The following ZFHX3 variants were observed in gnomAD, a reference collection of about 807,000 sequenced individuals.
ZFHX3 encodes zinc finger homeobox protein 3.
A neutral mutation model predicts 279.1 loss-of-function variants in ZFHX3; 42 were observed. The ratio of observed to expected loss-of-function variants is 0.15; its 90% CI spans 0.12 to 0.19. The LOEUF is 0.19. ZFHX3 is among the 10% of genes least tolerant of loss of function. ZFHX3 has a pLI of 1.00. For missense variants in ZFHX3, 4,981 were observed against 4,754.0 expected, an observed-to-expected ratio of 1.05 and a Z score of -1.40; for synonymous variants, 2,293 against 1,957.8, an observed-to-expected ratio of 1.17 and a Z score of -4.52.
rs760431174 is a variant in ZFHX3, at chr16:72,796,939, C to T, written c.5743G>A (p.Ala1915Thr). The change falls in exon 9 of 10, where the codon GCC becomes ACC. Residue 1915 changes from alanine to threonine, a missense_variant. Ala to Thr is a moderately conservative substitution (Grantham distance 58). This residue lies in a region of ZFHX3 where 1,751 missense variants were observed against 1,770.0 expected (regional missense o/e 0.99). Transcript: ENST00000268489. ...PKETLPDALKAKEKKELAPGG... is the reference protein window; with the variant it reads ...PKETLPDALKTKEKKELAPGG... ...GGTGCCAACTCTTTCTTCTCTTTGG[C>T]CTTCAAGGCATCTGGCAGTGTTTCC... 3.7e-6 allele frequency: 6 copies of T among 1,613,994 alleles called. No individual in the cohort carries two copies. Among genetic ancestry groups the T allele is most frequent in the Non-Finnish European group, 5.1e-6 (6 of 1,180,010 alleles).
intron 1 of ZFHX3, among the ~76,000 whole-genome samples, chr16:73,709,639 G>A (rs1789007104): frequency 6.6e-6 from 1 of 152,006 alleles, no homozygotes; most frequent in South Asian, 2.1e-4. Flanking sequence ...AGGGTTTAGG[G>A]CAATGTGGGT....
chr16:73,392,978 G>A (rs1489979647), intron 3 of ZFHX3, among the ~76,000 whole-genome samples: 2 of 152,168 alleles, frequency 1.3e-5, no homozygotes, highest in Non-Finnish European at 2.9e-5. Context: ...GGGATTACAG[G>A]CACCTGCCAT....
At chr16:72,824,011 C>T (rs946967387) in intron 5 of ZFHX3, among the ~76,000 whole-genome samples, 1 of 152,136 alleles carries the variant, frequency 6.6e-6, no homozygotes, top group Non-Finnish European at 1.5e-5. Context: ...ATATTTCAGG[C>T]ACTAAGTTCC....
At chr16:73,643,003 T>G (rs1029066244) in intron 2 of ZFHX3, among the ~76,000 whole-genome samples, 1 of 152,312 alleles carries the variant, frequency 6.6e-6, no homozygotes, top group East Asian at 1.9e-4. Flanking sequence ...GAAGAGATTT[T>G]CAGTTAAATT....
At position 73,537,371 on chromosome 16, in the gene ZFHX3, C is replaced by T. The variant is rs1597373683; in HGVS notation, c.-1546-81113G>A. The stretch of plus-strand genomic sequence containing the variant: ...TCACTCTGTTGCCCAGGCTGGAGTG[C>T]AGTGGCGCGATCTTGACTCATTGCA... On this transcript the variant is annotated intron_variant, in intron 2 of 17. Transcript: ENST00000641206. 3.1e-5 allele frequency among the ~76,000 whole-genome samples: 4 copies of T among 128,858 alleles called. No homozygotes were observed. In the South Asian group the frequency reaches 9.8e-4, roughly 32 times the overall value. The allele number at this position is 128,858 out of a possible 152,430, so 84.5% of individuals were successfully genotyped here.
chr16:72,904,935 G>A (rs2039133849), intron 3 of ZFHX3, among the ~76,000 whole-genome samples: 1 of 152,146 alleles, frequency 6.6e-6, no homozygotes, highest in Non-Finnish European at 1.5e-5. Flanking sequence ...GGGTTCAAGT[G>A]ACTCTCCTGC....
At chr16:73,272,827 G>A (rs932775787) in intron 4 of ZFHX3, among the ~76,000 whole-genome samples, 1 of 152,096 alleles carries the variant, frequency 6.6e-6, no homozygotes, top group African/African-American at 2.4e-5. Context: ...GTTCACTGCA[G>A]CCTTAACCTC....
At chr16:73,542,500 C>G (rs1339394514) in intron 2 of ZFHX3, among the ~76,000 whole-genome samples, 2 of 152,042 alleles carry the variant, frequency 1.3e-5, no homozygotes, top group Admixed American at 1.3e-4. Context: ...GAGTATTGGT[C>G]TACAGGGTAA....
At chr16:73,446,859 C>T (rs935120577) in intron 3 of ZFHX3, among the ~76,000 whole-genome samples, 3 of 152,064 alleles carry the variant, frequency 2.0e-5, no homozygotes, top group African/African-American at 7.3e-5. Context: ...ATATAATAAA[C>T]CTGCACATGT....
rs568843298 is a variant in ZFHX3, at chr16:72,890,809, C to A, written c.3217-847G>T. Among the ~76,000 whole-genome samples, 3 of 152,368 alleles carry A rather than the reference C, an allele frequency of 2.0e-5. No homozygotes were observed. In the South Asian group the frequency reaches 6.2e-4, roughly 32 times the overall value. On this transcript the variant is annotated intron_variant, in intron 3 of 9. Transcript: ENST00000268489. ...AAATAAAGTTTTATTGGAACACAGC[C>A]ACGTCCATTGATTTACATACTGTCT...
At chr16:72,985,273 C>G (rs1010186518) in intron 1 of ZFHX3, among the ~76,000 whole-genome samples, 4 of 152,192 alleles carry the variant, frequency 2.6e-5, no homozygotes, top group African/African-American at 9.7e-5. Flanking sequence ...TCAGGCGCCA[C>G]CGACATCTCT....
At chr16:73,135,376 C>T (rs1966769694) in intron 6 of ZFHX3, among the ~76,000 whole-genome samples, 1 of 152,158 alleles carries the variant, frequency 6.6e-6, no homozygotes, top group Non-Finnish European at 1.5e-5. Context: ...GGTTCCAGGA[C>T]ATTGGATAGA....
At chr16:73,414,863 G>A (rs1216544295) in intron 3 of ZFHX3, among the ~76,000 whole-genome samples, 2 of 152,192 alleles carry the variant, frequency 1.3e-5, no homozygotes, top group East Asian at 3.9e-4. Flanking sequence ...ACAAGAGGCT[G>A]GATCCCAAAC....
chr16:73,236,164 A>T (rs1361932399), intron 5 of ZFHX3, among the ~76,000 whole-genome samples: 1 of 152,222 alleles, frequency 6.6e-6, no homozygotes, highest in Non-Finnish European at 1.5e-5. Context: ...ACGTCAAGGG[A>T]GTATGTGTTT....
intron 2 of ZFHX3, among the ~76,000 whole-genome samples, chr16:73,606,172 G>C (rs957803108): frequency 1.0e-5 from 1 of 96,626 alleles, no homozygotes; most frequent in Non-Finnish European, 1.9e-5. Context: ...ATTGAGCTAG[G>C]CTCCATCTAA....
chr16:73,067,157 G>A (rs889156747), intron 8 of ZFHX3, among the ~76,000 whole-genome samples: 9 of 152,168 alleles, frequency 5.9e-5, no homozygotes, highest in Admixed American at 5.2e-4. Flanking sequence ...GTGCCTGCGT[G>A]TTTGGTGCTG....
intron 1 of ZFHX3, among the ~76,000 whole-genome samples, chr16:73,682,470 T>C (rs887216586): frequency 6.6e-6 from 1 of 151,972 alleles, no homozygotes; most frequent in Non-Finnish European, 1.5e-5. Context: ...CAAACCATAA[T>C]GCATCTATTG....
At chr16:73,119,085 C>G (rs1316641144) in intron 7 of ZFHX3, among the ~76,000 whole-genome samples, 2 of 148,022 alleles carry the variant, frequency 1.4e-5, no homozygotes, top group Admixed American at 1.4e-4. Context: ...AGTGCAGAAA[C>G]ACTCTCTTTT....
At chr16:72,887,775 GGT>G (rs985375486) in intron 4 of ZFHX3, among the ~76,000 whole-genome samples, 1 of 151,588 alleles carries the variant, frequency 6.6e-6, no homozygotes, top group African/African-American at 2.4e-5. Context: ...GTATACAGGG[GGT>G]GTGTGTGTGT....
Sources: gnomAD v4.1 joint callset for allele counts (sites outside exome capture counted in the v4.1 genomes callset) on GRCh38, gnomAD v4.1.1 for gene constraint, gnomAD v4.1.1 regional missense constraint, MANE v1.5 for transcripts, NCBI Gene and HGNC (gene_info 2026-07-23, HGNC 2026-07-21) for gene names.